Variants in LAMC1 observed in about 807,000 individuals in gnomAD.
LAMC1 encodes laminin subunit gamma 1, also known as laminin subunit gamma-1.
LAMC1 carries 38 observed loss-of-function variants against 173.6 expected under a neutral mutation model. The observed-to-expected ratio is 0.22, with a 90% CI of 0.17 to 0.29. The LOEUF (loss-of-function observed/expected upper bound fraction) is 0.29, where lower values mean the gene tolerates loss of function less well. LAMC1 is among the 10% of genes least tolerant of loss of function. The pLI is 1.00. For synonymous variants in LAMC1, 746 were observed against 749.1 expected, an observed-to-expected ratio of 1.00 and a Z score of 0.07; for missense variants, 1,824 against 2,051.8, an observed-to-expected ratio of 0.89 and a Z score of 2.14.
chr1:183,133,456 G>A lies in LAMC1; in HGVS notation c.3755G>A (p.Arg1252Gln), dbSNP rs376683198. Residue 1252 changes from arginine (R) to glutamine (Q), a missense_variant, in exon 22 of 28, where the codon CGA becomes CAA. By Grantham distance (43) the Arg-to-Gln change is conservative. Coordinates refer to ENST00000258341, the MANE Select transcript of LAMC1 (RefSeq NM_002293.4). ...CAGGATCTGGAAAAACAAGCTGCCCGAGTACATGAGGAGGCCAAAAGGGCC... is the reference window on the plus strand; with the variant it reads ...CAGGATCTGGAAAAACAAGCTGCCCAAGTACATGAGGAGGCCAAAAGGGCC... ...ISQDLEKQAA[R>Q]VHEEAKRAGD... is the part of the protein sequence containing the mutation. 11 of 1,613,920 alleles carry A rather than the reference G, an allele frequency of 6.8e-6. No individual in the cohort carries two copies. The highest frequency in any genetic ancestry group is 2.2e-5 in the East Asian group (1 of 44,890).
At position 183,023,555 on chromosome 1, in the gene LAMC1, C is replaced by T. The variant is rs1043674128; in HGVS notation, c.-162C>T. The T allele has an allele frequency of 4.1e-5, 15 of 369,032 alleles. No individual in the cohort carries two copies. The highest frequency in any genetic ancestry group is 2.8e-4 in the African/African-American group (13 of 46,122). The allele number at this position is 369,032 out of a possible 1,614,324, so 22.9% of individuals were successfully genotyped here. On this transcript the variant is annotated 5_prime_UTR_variant, in exon 1 of 28. Coordinates refer to ENST00000258341, the MANE Select transcript of LAMC1 (RefSeq NM_002293.4). ...CGCGGTCCTCGCTAGGGGCGCCCAC[C>T]CGTCAGTCTCTCCGGCGCGAGCCGC... is the stretch of plus-strand genomic sequence containing the variant.
chr1:183,097,107 A>G (rs1158807911), intron 1 of LAMC1, among the ~76,000 whole-genome samples: 1 of 152,210 alleles, frequency 6.6e-6, no homozygotes, highest in Admixed American at 6.5e-5. Flanking sequence ...AGGTGGAACA[A>G]TAACAGCTGG....
At chr1:183,100,517 A>G (rs1655807025) in intron 1 of LAMC1, among the ~76,000 whole-genome samples, 1 of 152,094 alleles carries the variant, frequency 6.6e-6, no homozygotes, top group Non-Finnish European at 1.5e-5. Flanking sequence ...CTGGGCTTTC[A>G]TACATGCCAT....
chr1:183,086,269 A>G (rs1276764781), intron 1 of LAMC1, among the ~76,000 whole-genome samples: 15 of 152,232 alleles, frequency 9.9e-5, no homozygotes, highest in Admixed American at 5.9e-4. Context: ...ATCCTCCTAC[A>G]TGCATAAGTC....
chr1:183,077,776 G>GTATATATATATATA (rs68083893), intron 1 of LAMC1, among the ~76,000 whole-genome samples: 14 of 116,520 alleles, frequency 1.2e-4, no homozygotes, highest in African/African-American at 4.1e-4. Flanking sequence ...TGGCCATTGT[G>GTATATATATATATA]TATATATATA....
At chr1:183,141,257 T>A (rs1049077199) in intron 27 of LAMC1, 5 of 152,262 alleles carry the variant, frequency 3.3e-5, no homozygotes, top group African/African-American at 1.2e-4. Context: ...GATAGTGAGC[T>A]GTTATCGTGC....
chr1:183,070,646 CAT>C (rs1316354956), intron 1 of LAMC1, among the ~76,000 whole-genome samples: 2 of 152,046 alleles, frequency 1.3e-5, no homozygotes, highest in African/African-American at 2.4e-5. Context: ...AAACTTTACT[CAT>C]ATTTTTTATT....
At chr1:183,113,725 C>T (rs2102079900) in intron 4 of LAMC1, among the ~76,000 whole-genome samples, 1 of 152,168 alleles carries the variant, frequency 6.6e-6, no homozygotes, top group South Asian at 2.1e-4. Context: ...CTCAAGTTAC[C>T]CCAGTCTAGA....
At chr1:183,124,486 G>A (rs1656567278) in intron 13 of LAMC1, 145 bp from the exon 14 acceptor site, 13 of 946,446 alleles carry the variant, frequency 1.4e-5, no homozygotes. Context: ...CCCGTGCCAG[G>A]GCTGCAGCCC....
chr1:183,104,278 C>T (rs1222958975), intron 2 of LAMC1, among the ~76,000 whole-genome samples: 4 of 152,206 alleles, frequency 2.6e-5, no homozygotes, highest in Non-Finnish European at 4.4e-5. Flanking sequence ...AAACCTTTCC[C>T]TGTTTGAGAA....
chr1:183,118,204 C>A (rs1656375388), intron 11 of LAMC1, 58 bp downstream of exon 11: 1 of 987,024 alleles, frequency 1.0e-6, no homozygotes, highest in Non-Finnish European at 1.6e-6. Flanking sequence ...TAGAAAGATT[C>A]ATGATAATGC....
At chr1:183,112,379 C>T (rs938195267) in intron 4 of LAMC1, among the ~76,000 whole-genome samples, 2 of 152,080 alleles carry the variant, frequency 1.3e-5, no homozygotes, top group Non-Finnish European at 2.9e-5. Context: ...TTGAGTCTAT[C>T]CAGGAAGTTA....
chr1:183,027,261 G>C (rs1653714025), intron 1 of LAMC1, among the ~76,000 whole-genome samples: 1 of 144,828 alleles, frequency 6.9e-6, no homozygotes, highest in African/African-American at 2.5e-5. Flanking sequence ...CTTTCTGCTT[G>C]TTGTGGGGAG....
intron 4 of LAMC1, among the ~76,000 whole-genome samples, chr1:183,112,759 A>C (rs1282006714): frequency 6.6e-6 from 1 of 152,162 alleles, no homozygotes; most frequent in Non-Finnish European, 1.5e-5. Context: ...ATAGCTAATG[A>C]AGGAAGGAAA....
chr1:183,107,397 T>C (rs1369902994), intron 2 of LAMC1, among the ~76,000 whole-genome samples: 1 of 151,812 alleles, frequency 6.6e-6, no homozygotes, highest in Admixed American at 6.6e-5. Flanking sequence ...GAAGGTGATA[T>C]TGTGGGGAGG....
At chr1:183,031,430 G>A (rs531179292) in intron 1 of LAMC1, among the ~76,000 whole-genome samples, 1 of 152,132 alleles carries the variant, frequency 6.6e-6, no homozygotes, top group African/African-American at 2.4e-5. Flanking sequence ...TCAGCCTCCC[G>A]AGTAGCTGGG....
rs200082241 is a variant in LAMC1 at position 183,110,506 on chromosome 1, C to T, written c.873C>T (p.His291=). ...TCCCCAGATGTAAATGTAATGGACA[C>T]GCAAGCGAGTGTATGAAGAACGAAT... ...AVGGRCKCNG[H]ASECMKNEFD... is the part of the protein sequence containing the mutation. The change falls in exon 4 of 28, where the codon CAC becomes CAT. Residue 291 remains histidine, a synonymous_variant. Coordinates refer to ENST00000258341, the MANE Select transcript of LAMC1 (RefSeq NM_002293.4). 176 of 1,612,556 alleles carry T rather than the reference C, an allele frequency of 1.1e-4. No individual in the cohort carries two copies. Among genetic ancestry groups the T allele is most frequent in the Admixed American group, 6.8e-4 (41 of 59,928 alleles).
intron 1 of LAMC1, among the ~76,000 whole-genome samples, chr1:183,084,345 GAAA>G (rs372863204): frequency 9.9e-6 from 1 of 101,368 alleles, no homozygotes; most frequent in Non-Finnish European, 2.1e-5. Context: ...TCCGTCTCAA[GAAA>G]AAAAAAAAAA....
At chr1:183,119,971 G>T (rs1224935629) in intron 11 of LAMC1, among the ~76,000 whole-genome samples, 1 of 151,762 alleles carries the variant, frequency 6.6e-6, no homozygotes, top group Non-Finnish European at 1.5e-5. Flanking sequence ...AGGTGTTCAA[G>T]AGCAGCCTGG....
Sources: allele counts gnomAD v4.1 joint callset (sites outside exome capture counted in the v4.1 genomes callset), GRCh38; gene constraint gnomAD v4.1.1; transcripts MANE v1.5; gene names NCBI Gene and HGNC (gene_info 2026-07-23, HGNC 2026-07-21).